Variants in KCNMB1 observed in about 807,000 individuals in gnomAD.
The protein encoded by KCNMB1 is potassium calcium-activated channel subfamily M regulatory beta subunit 1, also known as calcium-activated potassium channel subunit beta-1.
KCNMB1 carries 22 observed loss-of-function variants against 21.7 expected under a neutral mutation model. The observed-to-expected ratio is 1.01, with a 90% CI of 0.72 to 1.45. The LOEUF (loss-of-function observed/expected upper bound fraction) is 1.45, where lower values mean the gene tolerates loss of function less well. Among genes scored for constraint, KCNMB1 ranks in the 40% most tolerant of loss-of-function variants. The probability of loss-of-function intolerance (pLI) is 0.00; values close to 1 mark genes in which losing one functional copy is unlikely to be tolerated. For missense variants in KCNMB1, 243 were observed against 243.4 expected (o/e 1.00, Z 0.01); for synonymous variants, 114 against 107.6 (o/e 1.06, Z -0.37).
At chr5:170,379,467 G>C (rs542083779) in intron 3 of KCNMB1, among the ~76,000 whole-genome samples, 1 of 152,268 alleles carries the variant, frequency 6.6e-6, no homozygotes, top group East Asian at 1.9e-4. Context: ...ATTGTCAGAG[G>C]GTGAAGCAGG....
intron 3 of KCNMB1, among the ~76,000 whole-genome samples, chr5:170,382,237 C>T (rs1764272480): frequency 6.6e-6 from 1 of 152,180 alleles, no homozygotes; most frequent in South Asian, 2.1e-4. Flanking sequence ...TTGCCAACAG[C>T]AATAATTTCC....
Position 170,376,196 on chromosome 5 carries a change from T to C in KCNMB1, c.*2508A>G, listed in dbSNP as rs1220903257. 1 of 143,678 alleles carries C rather than the reference T, an allele frequency of 7.0e-6. No homozygotes were observed. Among genetic ancestry groups the C allele is most frequent in the Non-Finnish European group, 1.5e-5 (1 of 66,292 alleles). 8.9% of individuals were successfully genotyped at this position (143,678 alleles called of 1,614,324 possible). A position where few individuals can be genotyped will look rare whatever the true frequency, so the allele number is the denominator to read the frequency against. ...TTTTTTTTGAGACAGAGTCTTGCTC[T>C]GTTACCCAGGCTGGAGTGCCGTGGC... On this transcript the variant is annotated 3_prime_UTR_variant, in exon 4 of 4. Coordinates refer to ENST00000274629, the MANE Select transcript of KCNMB1 (RefSeq NM_004137.4).
chr5:170,378,824 G>T lies in KCNMB1; in HGVS notation c.456C>A (p.Tyr152Ter). 6.2e-7 allele frequency: 1 copy of T among 1,614,240 alleles called. No homozygotes were observed. The highest frequency in any genetic ancestry group is 8.5e-7 in the Non-Finnish European group (1 of 1,180,036). Residue 152 changes from tyrosine to a stop codon, truncating the protein, a stop_gained, in exon 4 of 4, where the codon TAC becomes TAA. Coordinates refer to ENST00000274629, the MANE Select transcript of KCNMB1 (RefSeq NM_004137.4). LOFTEE classifies it high-confidence loss of function. The stretch of plus-strand genomic sequence containing the variant: ...GGGAGAAGAGGAGGGCCTGGGGCCC[G>T]TAGAGGCGCTGGAATAGGACGCTGG... ...NETSVLFQRLYGPQALLFSLF... is the reference protein window; with the variant it reads ...NETSVLFQRL
chr5:170,381,535 C>T (rs2113335131), intron 3 of KCNMB1, among the ~76,000 whole-genome samples: 1 of 152,340 alleles, frequency 6.6e-6, no homozygotes, highest in East Asian at 1.9e-4. Context: ...GAAGGAGCAG[C>T]TAGCCCACAA....
At chr5:170,388,344 G>A (rs1322975915) in intron 1 of KCNMB1, among the ~76,000 whole-genome samples, 2 of 152,198 alleles carry the variant, frequency 1.3e-5, no homozygotes, top group Non-Finnish European at 2.9e-5. Context: ...AGCATCCAAA[G>A]GGAGAACCTT....
intron 3 of KCNMB1, among the ~76,000 whole-genome samples, chr5:170,380,203 G>A (rs1224299268): frequency 6.6e-6 from 1 of 152,224 alleles, no homozygotes; most frequent in Non-Finnish European, 1.5e-5. Context: ...ATGCAAAGCA[G>A]TCATAAAGCG....
intron 3 of KCNMB1, 49 bp from the exon 4 acceptor site, chr5:170,379,022 T>C (rs1250412092): frequency 3.8e-6 from 6 of 1,591,318 alleles, no homozygotes; most frequent in South Asian, 2.3e-5. Context: ...CCCCATTTCT[T>C]AGCCAAGGGC....
chr5:170,381,555 T>C (rs1466252713), intron 3 of KCNMB1, among the ~76,000 whole-genome samples: 1 of 152,170 alleles, frequency 6.6e-6, no homozygotes, highest in Non-Finnish European at 1.5e-5. Flanking sequence ...ACCCAGCTGC[T>C]TGGCAAAAAC....
At chr5:170,379,031 G>A in intron 3 of KCNMB1, 58 bp from the exon 4 acceptor site, 1 of 1,574,956 alleles carries the variant, frequency 6.3e-7, no homozygotes, top group Non-Finnish European at 8.6e-7. Flanking sequence ...TTAGCCAAGG[G>A]CTTGATATGG....
At chr5:170,380,213 G>A (rs1581128503) in intron 3 of KCNMB1, among the ~76,000 whole-genome samples, 1 of 152,282 alleles carries the variant, frequency 6.6e-6, no homozygotes, top group South Asian at 2.1e-4. Context: ...GTCATAAAGC[G>A]GAGTTTTATC....
intron 1 of KCNMB1, among the ~76,000 whole-genome samples, chr5:170,387,593 G>A (rs115184716): frequency 0.016 from 2,456 of 152,252 alleles, 55 homozygotes; most frequent in African/African-American, 0.056. Flanking sequence ...AGTTTCTCCT[G>A]CATTCTAATG....
rs564463421 is a variant in KCNMB1, at chr5:170,379,096, T to C, written c.307-123A>G. 163 of 1,210,866 alleles carry C rather than the reference T, an allele frequency of 1.3e-4. 3 individuals carry two copies. The South Asian group carries it at 2.3e-3, about 17-fold the overall frequency. The allele number at this position is 1,210,866 out of a possible 1,614,324, so 75.0% of individuals were successfully genotyped here. A position where few individuals can be genotyped will look rare whatever the true frequency, so the allele number is the denominator to read the frequency against. On this transcript the variant is annotated intron_variant, in intron 3 of 3. Coordinates refer to ENST00000274629, the MANE Select transcript of KCNMB1 (RefSeq NM_004137.4). ...GGCCCCTGGATTGGAGTCGGGGCTTTGGTCTAAAGCTTGGCAGGCCATGCG... is the reference window on the plus strand; with the variant it reads ...GGCCCCTGGATTGGAGTCGGGGCTTCGGTCTAAAGCTTGGCAGGCCATGCG...
chr5:170,382,914 A>G lies in KCNMB1; in HGVS notation c.306+765T>C, dbSNP rs556267168. The G allele has an allele frequency of 3.2e-4, 49 of 152,822 alleles. No individual in the cohort carries two copies. The South Asian group carries it at 3.3e-3, about 10-fold the overall frequency. The allele number at this position is 152,822 out of a possible 1,614,324, so 9.5% of individuals were successfully genotyped here. On this transcript the variant is annotated intron_variant, in intron 3 of 3. Transcript: ENST00000274629. ...GAGGTGCTCAATGGCTGTTGAATAA[A>G]TAAATGAGAGGAGGAAAGAAGGAAA...
At chr5:170,382,101 C>G (rs928246827) in intron 3 of KCNMB1, among the ~76,000 whole-genome samples, 1 of 152,194 alleles carries the variant, frequency 6.6e-6, no homozygotes. Flanking sequence ...CTGCTGCAGG[C>G]CACATCTTGG....
At chr5:170,382,137 C>A (rs1004041392) in intron 3 of KCNMB1, among the ~76,000 whole-genome samples, 2 of 152,174 alleles carry the variant, frequency 1.3e-5, no homozygotes, top group South Asian at 2.1e-4. Context: ...GCGGCCTTGG[C>A]TCCTCTGTCT....
At chr5:170,386,941 T>C (rs1392889095) in intron 1 of KCNMB1, among the ~76,000 whole-genome samples, 2 of 152,064 alleles carry the variant, frequency 1.3e-5, no homozygotes, top group Non-Finnish European at 2.9e-5. Context: ...AGGCTCCTGA[T>C]CGCTCCCCCA....
chr5:170,378,334 G>C lies in KCNMB1; in HGVS notation c.*370C>G, dbSNP rs1468077097. The C allele has an allele frequency of 5.2e-6, 1 of 192,660 alleles. No homozygotes were observed. The highest frequency in any genetic ancestry group is 1.1e-5 in the Non-Finnish European group (1 of 95,102). The allele number at this position is 192,660 out of a possible 1,614,324, so 11.9% of individuals were successfully genotyped here. ...TCGCTGGGGACAGCTTCTGGGGGAG[G>C]ATGGGTACCGCTTTGAGACAACAGG... On this transcript the variant is annotated 3_prime_UTR_variant, in exon 4 of 4. Transcript: ENST00000274629.
In KCNMB1 at chr5:170,375,967, A is replaced by G. The variant is rs1483279158; in HGVS notation, c.*2737T>C. 1.3e-5 allele frequency: 2 copies of G among 152,212 alleles called. No individual in the cohort carries two copies. Among genetic ancestry groups the G allele is most frequent in the Non-Finnish European group, 2.9e-5 (2 of 68,064 alleles). The allele number at this position is 152,212 out of a possible 1,614,324, so 9.4% of individuals were successfully genotyped here. On this transcript the variant is annotated 3_prime_UTR_variant, in exon 4 of 4. Transcript: ENST00000274629. ...CAAACAGTGCACATCCCAAGTCCAC[A>G]TACTTAGCCACTGTCCTCTGTTGCT...
chr5:170,385,372 A>G lies in KCNMB1; in HGVS notation c.76T>C (p.Cys26Arg). ...ALCLGVTMVVCAVITYYILVT... is the reference protein window; with the variant it reads ...ALCLGVTMVVRAVITYYILVT... Reference sequence around the variant, plus strand: ...AGGATGTAGTAGGTGATGACGGCACACACCACCATGGTTACACCCAGGCAA... The same window carrying G: ...AGGATGTAGTAGGTGATGACGGCACGCACCACCATGGTTACACCCAGGCAA... The change falls in exon 2 of 4, where the codon TGT (cysteine) becomes CGT (arginine). Residue 26 changes from cysteine (C) to arginine (R), a missense_variant. Transcript: ENST00000274629. 1 of 1,614,072 alleles carries G rather than the reference A, an allele frequency of 6.2e-7. No individual in the cohort carries two copies. The highest frequency in any genetic ancestry group is 1.1e-5 in the South Asian group (1 of 91,074).
Sources: gnomAD v4.1 joint callset for allele counts (sites outside exome capture counted in the v4.1 genomes callset) on GRCh38, gnomAD v4.1.1 for gene constraint, MANE v1.5 for transcripts, NCBI Gene and HGNC (gene_info 2026-07-23, HGNC 2026-07-21) for gene names.